The following CBR4 variants were observed in gnomAD, a reference collection of about 807,000 sequenced individuals.
CBR4 encodes the protein carbonyl reductase 4, also known as 3-oxoacyl-[acyl-carrier-protein] reductase.
CBR4 carries 22 observed loss-of-function variants against 21.0 expected under a neutral mutation model. The observed-to-expected ratio is 1.05, with a 90% confidence interval of 0.75 to 1.50. CBR4 has a LOEUF of 1.50. CBR4 is among the 40% of genes most tolerant of loss of function. CBR4 has a pLI of 0.00. For synonymous variants in CBR4, 100 were observed against 104.4 expected (o/e 0.96, Z 0.26); for missense variants, 302 against 286.3 (o/e 1.05, Z -0.40).
chr4:168,943,631 T>A lies in CBR4; in HGVS notation n.170-48866A>T, dbSNP rs537886067. On this transcript the variant is annotated intron_variant and non_coding_transcript_variant, in intron 2 of 3. Coordinates refer to the CBR4 transcript ENST00000509108. ...GGGGAACTAAACAACCACTACAGGC[T>A]GGGCATGGTGGCTCATGCCTGTAAT... is the stretch of plus-strand genomic sequence containing the variant. Among the ~76,000 whole-genome samples the A allele has an allele frequency of 7.9e-5, 12 of 152,216 alleles. No homozygotes were observed. The South Asian group carries it at 2.1e-3, about 26-fold the overall frequency.
At chr4:169,006,303 C>T (rs1730906756) in intron 3 of CBR4, among the ~76,000 whole-genome samples, 1 of 151,974 alleles carries the variant, frequency 6.6e-6, no homozygotes, top group African/African-American at 2.4e-5. Flanking sequence ...GAGTTAAAGA[C>T]CAGCCTAGGC....
chr4:168,945,003 C>G (rs1578916131), intron 2 of CBR4, among the ~76,000 whole-genome samples: 1 of 152,326 alleles, frequency 6.6e-6, no homozygotes, highest in East Asian at 1.9e-4. Context: ...AGTTTGCCTA[C>G]TTCACTAGAA....
chr4:168,992,855 C>T (rs1345299197), intron 4 of CBR4, among the ~76,000 whole-genome samples: 1 of 151,978 alleles, frequency 6.6e-6, no homozygotes, highest in Admixed American at 6.6e-5. Context: ...TAATGAAGGC[C>T]TGGAATAACA....
chr4:168,952,461 A>C (rs549524939), intron 2 of CBR4, among the ~76,000 whole-genome samples: 3 of 152,126 alleles, frequency 2.0e-5, no homozygotes, highest in Middle Eastern at 3.4e-3. Context: ...CTGCTGACCT[A>C]GTGTGATTTT....
chr4:168,982,161 T>C (rs1406158500), intron 2 of CBR4, among the ~76,000 whole-genome samples: 3 of 152,178 alleles, frequency 2.0e-5, no homozygotes, highest in African/African-American at 4.8e-5. Context: ...CTGTATGCTG[T>C]CTTCAAGAGA....
At chr4:168,937,899 A>G (rs886591527) in intron 2 of CBR4, among the ~76,000 whole-genome samples, 1 of 152,222 alleles carries the variant, frequency 6.6e-6, no homozygotes, top group Non-Finnish European at 1.5e-5. Flanking sequence ...TACCAGACAG[A>G]TCAACAAGAC....
intron 3 of CBR4, 34 bp downstream of exon 3, chr4:169,006,721 G>A: frequency 3.8e-6 from 6 of 1,572,748 alleles, no homozygotes; most frequent in Non-Finnish European, 3.5e-6. Flanking sequence ...TGGTATTATG[G>A]GATAATCATA....
intron 4 of CBR4, 33 bp from the exon 5 acceptor site, chr4:168,990,361 G>C: frequency 6.7e-7 from 1 of 1,496,234 alleles, no homozygotes; most frequent in Non-Finnish European, 9.0e-7. Context: ...GTTGAAAAGG[G>C]TACACACTAA....
At chr4:168,896,642 GTC>G in intron 2 of CBR4, 2 of 1,124,398 alleles carry the variant, frequency 1.8e-6, no homozygotes, top group Non-Finnish European at 2.6e-6. Flanking sequence ...CTTTCTCTGT[GTC>G]TGTTTTCTTC....
At chr4:168,934,282 C>CAAAAAAAAAAAAAAAA (rs60538970) in intron 2 of CBR4, among the ~76,000 whole-genome samples, 1 of 18,178 alleles carries the variant, frequency 5.5e-5, no homozygotes, top group Non-Finnish European at 1.0e-4. Flanking sequence ...GCAAAAAAAA[C>CAAAAAAAAAAAAAAAA]AAAAAAAAAA....
rs529017554 is a variant in CBR4 at position 169,010,234 on chromosome 4, C to T, written c.-145G>A. On this transcript the variant is annotated 5_prime_UTR_variant, in exon 1 of 5. In the 5' UTR this introduces an upstream ATG that the reference lacks. Transcript: ENST00000306193. ...CAAAAAAAAATAACGCCGCTCGACA[C>T]CTCCTGCAGCCGCACAATAGTAATG... The T allele has an allele frequency of 7.1e-6, 5 of 705,458 alleles. No homozygotes were observed. The East Asian group carries it at 1.5e-4, about 21-fold the overall frequency. The allele number at this position is 705,458 out of a possible 1,614,324, so 43.7% of individuals were successfully genotyped here. A position where few individuals can be genotyped will look rare whatever the true frequency, so the allele number is the denominator to read the frequency against.
intron 2 of CBR4, among the ~76,000 whole-genome samples, chr4:168,909,305 T>C (rs1292315829): frequency 6.6e-6 from 1 of 152,186 alleles, no homozygotes; most frequent in Non-Finnish European, 1.5e-5. Flanking sequence ...TGGCAAGCTT[T>C]TATGAAGACC....
chr4:168,999,790 T>C (rs1460825811), intron 4 of CBR4, among the ~76,000 whole-genome samples: 1 of 152,184 alleles, frequency 6.6e-6, no homozygotes, highest in Non-Finnish European at 1.5e-5. Context: ...TACTCTAAAC[T>C]AGACAAAATT....
chr4:168,985,268 A>T (rs1764652669), downstream of CBR4, among the ~76,000 whole-genome samples: 1 of 152,084 alleles, frequency 6.6e-6, no homozygotes. Flanking sequence ...ACATACGTGC[A>T]GCCAACAAGC....
At chr4:168,959,726 C>T (rs1371003485) in intron 2 of CBR4, among the ~76,000 whole-genome samples, 9 of 151,598 alleles carry the variant, frequency 5.9e-5, no homozygotes, top group South Asian at 2.1e-4. Flanking sequence ...CCACCATGCC[C>T]GGCTAATTTT....
intron 2 of CBR4, among the ~76,000 whole-genome samples, chr4:168,967,725 A>C (rs1279941431): frequency 6.6e-6 from 1 of 152,174 alleles, no homozygotes; most frequent in East Asian, 1.9e-4. Context: ...GGAGTAGGCA[A>C]GAGGGGGTAC....
rs141251486 is a variant in CBR4 at position 168,922,289 on chromosome 4, A to G, written n.170-27524T>C. ...TTATGCTTTGAGAAGCCTAAAAGGAAAACACATTTATGGAAAGGTTTTTAT... is the reference window on the plus strand; with the variant it reads ...TTATGCTTTGAGAAGCCTAAAAGGAGAACACATTTATGGAAAGGTTTTTAT... On this transcript the variant is annotated intron_variant and non_coding_transcript_variant, in intron 2 of 3. Transcript: ENST00000509108. 7.3e-4 allele frequency among the ~76,000 whole-genome samples: 111 copies of G among 152,288 alleles called. 1 individual carries two copies. The highest frequency in any genetic ancestry group is 1.3e-3 in the Non-Finnish European group (91 of 68,030).
At chr4:168,987,025 A>C (rs192908370), downstream of CBR4, among the ~76,000 whole-genome samples, 265 of 152,296 alleles carry the variant, frequency 1.7e-3, 1 homozygote, top group African/African-American at 6.0e-3. Context: ...CCACTTATTC[A>C]AATTTCCAGG....
At chr4:168,935,902 T>C (rs569783793) in intron 2 of CBR4, among the ~76,000 whole-genome samples, 340 of 152,298 alleles carry the variant, frequency 2.2e-3, no homozygotes, top group Non-Finnish European at 3.2e-3. Context: ...AGCACAGTGC[T>C]CAAGCTCTGC....
Sources: allele counts gnomAD v4.1 joint callset (sites outside exome capture counted in the v4.1 genomes callset), GRCh38; gene constraint gnomAD v4.1.1; transcripts MANE v1.5; gene names NCBI Gene and HGNC (gene_info 2026-07-23, HGNC 2026-07-21).